Variants in PCNX2 observed in about 807,000 individuals in gnomAD.
The protein encoded by PCNX2 is pecanex 2, also known as pecanex-like protein 2.
In PCNX2, 168 loss-of-function variants were observed where a neutral mutation model predicts 223.8. The observed-to-expected ratio is 0.75, with a 90% CI of 0.66 to 0.85. PCNX2 has a LOEUF of 0.85. PCNX2 is among the 40% of genes least tolerant of loss of function. The pLI, the probability that PCNX2 is intolerant of heterozygous loss-of-function variation, is 0.00. For synonymous variants in PCNX2, 1,006 were observed against 1,052.6 expected (o/e 0.96, Z 0.86); for missense variants, 2,507 against 2,675.5 (o/e 0.94, Z 1.39).
chr1:233,087,276 G>A (rs1197163719), intron 23 of PCNX2: 1 of 929,414 alleles, frequency 1.1e-6, no homozygotes, highest in Non-Finnish European at 1.3e-6. Context: ...AAAAGAAAGA[G>A]GAAGCCAGGA....
intron 26 of PCNX2, among the ~76,000 whole-genome samples, chr1:233,018,257 C>T (rs1338528564): frequency 6.6e-6 from 1 of 151,788 alleles, no homozygotes; most frequent in Non-Finnish European, 1.5e-5. Context: ...CTCCTGGGCT[C>T]AAGCATCCTC....
At chr1:233,116,964 C>A (rs1481696731) in intron 21 of PCNX2, among the ~76,000 whole-genome samples, 1 of 152,056 alleles carries the variant, frequency 6.6e-6, no homozygotes, top group Admixed American at 6.6e-5. Context: ...ACTAAGGAAA[C>A]TGCGTATGTA....
intron 28 of PCNX2, among the ~76,000 whole-genome samples, chr1:233,004,267 T>C (rs1670198217): frequency 6.6e-6 from 1 of 152,154 alleles, no homozygotes; most frequent in Non-Finnish European, 1.5e-5. Flanking sequence ...TATCCGGGTG[T>C]TCAGGTTCCT....
chr1:233,095,919 G>A (rs1469181022), intron 21 of PCNX2, 56 bp from the exon 22 acceptor site: 37 of 1,281,824 alleles, frequency 2.9e-5, no homozygotes, highest in Non-Finnish European at 3.9e-5. Flanking sequence ...AGTGGTAACT[G>A]CATCAAGGTC....
intron 5 of PCNX2, 107 bp downstream of exon 5, chr1:233,257,921 C>T: frequency 1.4e-6 from 2 of 1,404,718 alleles, no homozygotes; most frequent in Non-Finnish European, 9.4e-7. Flanking sequence ...AAACGATTGC[C>T]CAAGAGTTGT....
intron 23 of PCNX2, 175 bp from the exon 24 acceptor site, chr1:233,057,465 T>C (rs1672236180): frequency 5.0e-6 from 3 of 596,614 alleles, no homozygotes; most frequent in South Asian, 4.1e-5. Context: ...TGATAAGAGA[T>C]AGAGGGAGCA....
Position 233,218,394 on chromosome 1 carries a change from A to G in PCNX2, c.2505-210T>C, listed in dbSNP as rs958785828. 3.3e-4 allele frequency among the ~76,000 whole-genome samples: 49 copies of G among 149,184 alleles called. No individual in the cohort carries two copies. The South Asian group carries it at 4.0e-3, about 12-fold the overall frequency. On this transcript the variant is annotated intron_variant, in intron 10 of 33. Transcript: ENST00000258229. Reference sequence around the variant, plus strand: ...CTCCGGAGTAGCTGGGACTACAGGCACCCGCCACCAAGCCCGGCTAATTTT... The same window carrying G: ...CTCCGGAGTAGCTGGGACTACAGGCGCCCGCCACCAAGCCCGGCTAATTTT...
At chr1:233,003,910 C>T (rs527971177) in intron 28 of PCNX2, among the ~76,000 whole-genome samples, 1 of 152,208 alleles carries the variant, frequency 6.6e-6, no homozygotes, top group South Asian at 2.1e-4. Context: ...GAACAGAAAA[C>T]CAAACACTGC....
At chr1:233,057,902 T>G in intron 23 of PCNX2, 1 of 985,346 alleles carries the variant, frequency 1.0e-6, no homozygotes, top group Non-Finnish European at 1.2e-6. Flanking sequence ...GCTACCCACT[T>G]TCAGAACTTG....
chr1:233,198,309 G>A (rs182645530), intron 15 of PCNX2, among the ~76,000 whole-genome samples: 2 of 152,244 alleles, frequency 1.3e-5, no homozygotes, highest in East Asian at 3.9e-4. Flanking sequence ...TTCTATTAGC[G>A]ATATAACATG....
intron 1 of PCNX2, among the ~76,000 whole-genome samples, chr1:233,290,530 G>A (rs935917775): frequency 2.6e-5 from 4 of 152,114 alleles, no homozygotes; most frequent in Admixed American, 6.6e-5. Context: ...GGAAAACATT[G>A]ATTGAAAAAA....
rs141087989 is a variant in PCNX2, at chr1:232,986,573, G to A, written c.5792-33C>T. 8.2e-3 allele frequency: 12,000 copies of A among 1,468,554 alleles called. 117 individuals are homozygous for A. Among genetic ancestry groups the A allele is most frequent in the South Asian group, 0.028 (1,992 of 70,522 alleles). 91.0% of individuals were successfully genotyped at this position (1,468,554 alleles called of 1,614,324 possible). On this transcript the variant is annotated intron_variant, in intron 32 of 33. Coordinates refer to ENST00000258229, the MANE Select transcript of PCNX2 (RefSeq NM_014801.4). ...AGAAAGCAGAACACAGAGTTGTAGC[G>A]GGTGGGTCATGAACATCGATACCTG...
chr1:233,232,555 CTTTTTA>C (rs1658130285), intron 9 of PCNX2, among the ~76,000 whole-genome samples: 1 of 152,074 alleles, frequency 6.6e-6, no homozygotes, highest in Non-Finnish European at 1.5e-5. Context: ...GTTACTTTTT[CTTTTTA>C]AAGTATTAAT....
chr1:233,002,039 G>A (rs1031638479), intron 28 of PCNX2, among the ~76,000 whole-genome samples: 1 of 152,108 alleles, frequency 6.6e-6, no homozygotes. Flanking sequence ...CCCCAGAGAC[G>A]ACCAGCTCCC....
In PCNX2 at chr1:233,090,204, G is replaced by A. The variant is rs374815412; in HGVS notation, c.3947-14C>T. On this transcript the variant is annotated splice_polypyrimidine_tract_variant and intron_variant, in intron 22 of 33. Coordinates refer to ENST00000258229, the MANE Select transcript of PCNX2 (RefSeq NM_014801.4). ...GCATGGCAGAATCTGAGAATGTTGA[G>A]TTAAGGCAAAAAAAAAAATTATGAT... 4 of 1,596,734 alleles carry A rather than the reference G, an allele frequency of 2.5e-6. No homozygotes were observed. The African/African-American group carries it at 4.2e-5, about 17-fold the overall frequency.
At chr1:233,292,719 C>T (rs1661843357) in intron 1 of PCNX2, among the ~76,000 whole-genome samples, 1 of 152,104 alleles carries the variant, frequency 6.6e-6, no homozygotes, top group South Asian at 2.1e-4. Flanking sequence ...ATCTGAAGAA[C>T]AAAGCCTCCA....
chr1:233,245,842 G>C (rs926643148), intron 8 of PCNX2, among the ~76,000 whole-genome samples: 3 of 152,152 alleles, frequency 2.0e-5, no homozygotes, highest in African/African-American at 7.2e-5. Flanking sequence ...CTTGAACCCA[G>C]GAGGCAGAGG....
chr1:233,105,494 G>A (rs1397985141), intron 21 of PCNX2, among the ~76,000 whole-genome samples: 1 of 152,132 alleles, frequency 6.6e-6, no homozygotes, highest in Non-Finnish European at 1.5e-5. Context: ...TAAACAAGAT[G>A]AATCTGATTA....
chr1:233,124,036 A>G lies in PCNX2; in HGVS notation c.3837+10977T>C, dbSNP rs144427783. ...TTAATTTTTTTCAATTAACCAACCA[A>G]CCACCTGCCAGATTTAGTTGAATAT... On this transcript the variant is annotated intron_variant, in intron 21 of 33. Coordinates refer to ENST00000258229, the MANE Select transcript of PCNX2 (RefSeq NM_014801.4). Among the ~76,000 whole-genome samples, 31 of 152,236 alleles carry G rather than the reference A, an allele frequency of 2.0e-4. No individual in the cohort carries two copies. In the East Asian group the frequency reaches 5.4e-3, roughly 27 times the overall value.
Sources: gnomAD v4.1 joint callset for allele counts (sites outside exome capture counted in the v4.1 genomes callset) on GRCh38, gnomAD v4.1.1 for gene constraint, MANE v1.5 for transcripts, NCBI Gene and HGNC (gene_info 2026-07-23, HGNC 2026-07-21) for gene names.